The following GRM5 variants were observed in gnomAD, a reference collection of about 807,000 sequenced individuals.
The protein encoded by GRM5 is metabotropic glutamate receptor 5.
A neutral mutation model predicts 83.1 loss-of-function variants in GRM5; 19 were observed. That is an observed-to-expected ratio of 0.23 (90% CI 0.16 to 0.34). The LOEUF is 0.34. GRM5 is among the 10% of genes least tolerant of loss of function. The pLI is 1.00. For synonymous variants in GRM5, 675 were observed against 633.6 expected, an observed-to-expected ratio of 1.07 and a Z score of -0.98; for missense variants, 1,160 against 1,588.3, an observed-to-expected ratio of 0.73 and a Z score of 4.58.
chr11:88,584,205 T>TACACACACACACACAC (rs10526384), intron 7 of GRM5, among the ~76,000 whole-genome samples: 2 of 144,310 alleles, frequency 1.4e-5, no homozygotes, highest in African/African-American at 5.1e-5. Flanking sequence ...TGTTTCAAAT[T>TACACACACACACACAC]ACACACACAC....
chr11:88,904,916 C>G (rs929787919), intron 2 of GRM5, among the ~76,000 whole-genome samples: 1 of 152,086 alleles, frequency 6.6e-6, no homozygotes, highest in African/African-American at 2.4e-5. Context: ...TGTTAACCAT[C>G]TAAGATTATT....
At chr11:88,914,961 C>T (rs1292984333) in intron 2 of GRM5, among the ~76,000 whole-genome samples, 1 of 151,920 alleles carries the variant, frequency 6.6e-6, no homozygotes, top group African/African-American at 2.4e-5. Flanking sequence ...CCTCAATATT[C>T]AGGTATGGGT....
intron 8 of GRM5, among the ~76,000 whole-genome samples, chr11:88,536,785 G>A (rs1477995932): frequency 6.6e-6 from 1 of 152,168 alleles, no homozygotes; most frequent in African/African-American, 2.4e-5. Flanking sequence ...TTATTCTACA[G>A]ATTTATTGCC....
At chr11:88,573,942 T>A (rs965038449) in intron 7 of GRM5, among the ~76,000 whole-genome samples, 1 of 152,252 alleles carries the variant, frequency 6.6e-6, no homozygotes, top group African/African-American at 2.4e-5. Context: ...TAGCCTGAGC[T>A]AAAGTTTTTC....
chr11:88,592,952 T>G (rs1003302551), intron 6 of GRM5, among the ~76,000 whole-genome samples: 2 of 152,174 alleles, frequency 1.3e-5, no homozygotes, highest in African/African-American at 4.8e-5. Context: ...TAACTGGGAC[T>G]ACAGATGTGT....
intron 3 of GRM5, among the ~76,000 whole-genome samples, chr11:88,790,577 T>G (rs1943155051): frequency 6.6e-6 from 1 of 152,014 alleles, no homozygotes; most frequent in Admixed American, 6.6e-5. Context: ...ATAACTAATT[T>G]AAAAAATAAA....
intron 2 of GRM5, among the ~76,000 whole-genome samples, chr11:88,977,638 GA>G (rs1438376075): frequency 6.6e-6 from 1 of 152,216 alleles, no homozygotes; most frequent in Non-Finnish European, 1.5e-5. Context: ...ACAAGAATTT[GA>G]GACTAGCTCA....
At chr11:89,012,981 C>G (rs1940750095) in intron 2 of GRM5, among the ~76,000 whole-genome samples, 1 of 152,164 alleles carries the variant, frequency 6.6e-6, no homozygotes, top group Non-Finnish European at 1.5e-5. Context: ...CATATGTTTG[C>G]AGACGCTTAC....
chr11:88,881,617 G>A (rs1944954950), intron 2 of GRM5, among the ~76,000 whole-genome samples: 1 of 152,134 alleles, frequency 6.6e-6, no homozygotes, highest in African/African-American at 2.4e-5. Flanking sequence ...AGTATAAATG[G>A]AGACTGTAGT....
intron 2 of GRM5, among the ~76,000 whole-genome samples, chr11:88,853,636 A>G (rs1221597718): frequency 5.3e-5 from 8 of 151,976 alleles, no homozygotes. Context: ...ATGAAAAACT[A>G]AAACACTTTT....
At chr11:88,635,163 T>C (rs1198249318) in intron 4 of GRM5, among the ~76,000 whole-genome samples, 1 of 152,226 alleles carries the variant, frequency 6.6e-6, no homozygotes, top group East Asian at 1.9e-4. Flanking sequence ...GATATACTGG[T>C]TTCATTTCCT....
At chr11:88,516,260 C>T (rs1486935249) in intron 9 of GRM5, among the ~76,000 whole-genome samples, 2 of 152,062 alleles carry the variant, frequency 1.3e-5, no homozygotes, top group Admixed American at 1.3e-4. Flanking sequence ...TTAACTAAGT[C>T]GACCAAGTCA....
At chr11:89,063,595 C>CAA in intron 1 of GRM5, 1 of 152,434 alleles carries the variant, frequency 6.6e-6, no homozygotes, top group East Asian at 1.9e-4. Context: ...GCTTCCCCCC[C>CAA]AAGATGATCT....
chr11:88,598,797 T>C (rs1937893411), intron 5 of GRM5, among the ~76,000 whole-genome samples: 3 of 152,210 alleles, frequency 2.0e-5, no homozygotes, highest in Admixed American at 2.0e-4. Flanking sequence ...GTCAGACTTG[T>C]TTCTTTGCTG....
intron 2 of GRM5, among the ~76,000 whole-genome samples, chr11:88,958,637 C>T (rs1310138673): frequency 6.6e-6 from 1 of 152,024 alleles, no homozygotes; most frequent in Non-Finnish European, 1.5e-5. Context: ...TTAAGATAAA[C>T]CATTATAGTT....
At chr11:88,585,211 T>A (rs542740795) in intron 7 of GRM5, among the ~76,000 whole-genome samples, 2 of 152,206 alleles carry the variant, frequency 1.3e-5, no homozygotes, top group African/African-American at 4.8e-5. Flanking sequence ...ACAGCCAGGT[T>A]TAACTGCTTC....
chr11:88,585,899 A>G (rs1943304196), intron 7 of GRM5, among the ~76,000 whole-genome samples: 1 of 152,150 alleles, frequency 6.6e-6, no homozygotes, highest in South Asian at 2.1e-4. Flanking sequence ...GACATGGGCT[A>G]TGTTCTGACC....
At chr11:88,914,669 T>C (rs1945560338) in intron 2 of GRM5, among the ~76,000 whole-genome samples, 1 of 152,188 alleles carries the variant, frequency 6.6e-6, no homozygotes, top group Non-Finnish European at 1.5e-5. Flanking sequence ...GTAGGATCCA[T>C]ATCTTATCCT....
chr11:88,773,229 T>C (rs981754648), intron 3 of GRM5, among the ~76,000 whole-genome samples: 1 of 152,234 alleles, frequency 6.6e-6, no homozygotes, highest in Non-Finnish European at 1.5e-5. Flanking sequence ...CATGTGTCTG[T>C]TGGCTGCATA....
Sources: allele counts gnomAD v4.1 joint callset (sites outside exome capture counted in the v4.1 genomes callset), GRCh38; gene constraint gnomAD v4.1.1; transcripts MANE v1.5; gene names NCBI Gene and HGNC (gene_info 2026-07-23, HGNC 2026-07-21).